The following ZCCHC17 variants were observed in gnomAD, a reference collection of about 807,000 sequenced individuals.
ZCCHC17 encodes the protein zinc finger CCHC domain-containing protein 17.
In ZCCHC17, 18 loss-of-function variants were observed where a neutral mutation model predicts 30.6. The observed-to-expected ratio is 0.59, with a 90% confidence interval of 0.41 to 0.87. The LOEUF (loss-of-function observed/expected upper bound fraction) is 0.87, where lower values mean the gene tolerates loss of function less well. Among genes scored for constraint, ZCCHC17 ranks in the 40% least tolerant of loss-of-function variants. The pLI is 0.00. For synonymous variants in ZCCHC17, 88 were observed against 92.4 expected (o/e 0.95, Z 0.27); for missense variants, 263 against 284.2 (o/e 0.93, Z 0.54).
In ZCCHC17 at chr1:31,364,219, T is replaced by C; in HGVS notation, c.*26T>C. 6.3e-7 allele frequency: 1 copy of C among 1,596,690 alleles called. No individual in the cohort carries two copies. The highest frequency in any genetic ancestry group is 8.5e-7 in the Non-Finnish European group (1 of 1,173,776). On this transcript the variant is annotated 3_prime_UTR_variant, in exon 8 of 8. Coordinates refer to ENST00000344147, the MANE Select transcript of ZCCHC17 (RefSeq NM_016505.4). Reference sequence around the variant, plus strand: ...GAGTATAAAGAGTGTAGGGGGTGGTTGAGAGTAAGAAACCAGGAGCCTTGT... The same window carrying C: ...GAGTATAAAGAGTGTAGGGGGTGGTCGAGAGTAAGAAACCAGGAGCCTTGT...
rs573098163 is a variant in ZCCHC17 at position 31,359,133 on chromosome 1, GTT to G, written c.565-4897_565-4896del. On this transcript the variant is annotated intron_variant, in intron 7 of 7. Coordinates refer to ENST00000344147, the MANE Select transcript of ZCCHC17 (RefSeq NM_016505.4). ...CCACGTGGAGGTTACTGGTAATTTT[GTT>G]TGTTTGTTTTTGTAGAGACAGGGTC... Among the ~76,000 whole-genome samples the G allele has an allele frequency of 3.3e-5, 5 of 152,244 alleles. No homozygotes were observed. In the East Asian group the frequency reaches 9.7e-4, roughly 30 times the overall value.
At chr1:31,342,169 C>T (rs928609447) in intron 5 of ZCCHC17, among the ~76,000 whole-genome samples, 5 of 152,042 alleles carry the variant, frequency 3.3e-5, no homozygotes, top group African/African-American at 7.2e-5. Flanking sequence ...CTCAGCCTCC[C>T]GAGTAGCTGG....
intron 3 of ZCCHC17, among the ~76,000 whole-genome samples, chr1:31,332,121 A>G (rs1249502409): frequency 6.6e-6 from 1 of 152,230 alleles, no homozygotes; most frequent in African/African-American, 2.4e-5. Context: ...GTATAAGGAA[A>G]GTATATCTTG....
At chr1:31,324,379 G>A (rs1638254171) in intron 3 of ZCCHC17, among the ~76,000 whole-genome samples, 1 of 152,220 alleles carries the variant, frequency 6.6e-6, no homozygotes, top group Non-Finnish European at 1.5e-5. Flanking sequence ...GGCCAGGGCT[G>A]CATGTTCTAT....
chr1:31,307,483 C>T (rs1441970431), intron 1 of ZCCHC17, among the ~76,000 whole-genome samples: 1 of 151,310 alleles, frequency 6.6e-6, no homozygotes, highest in Non-Finnish European at 1.5e-5. Context: ...AATCTTGGCC[C>T]ACTGCAGCCT....
At chr1:31,305,003 C>T (rs921077684) in intron 1 of ZCCHC17, among the ~76,000 whole-genome samples, 6 of 152,226 alleles carry the variant, frequency 3.9e-5, no homozygotes, top group Admixed American at 1.3e-4. Flanking sequence ...CAGTAGGCAC[C>T]CTTGCAGTAA....
At chr1:31,349,290 C>A (rs1310729577) in intron 7 of ZCCHC17, among the ~76,000 whole-genome samples, 1 of 152,022 alleles carries the variant, frequency 6.6e-6, no homozygotes, top group East Asian at 1.9e-4. Context: ...TGAAGCAAAC[C>A]AAGATCTTCT....
At chr1:31,305,256 G>A (rs1646422904) in intron 1 of ZCCHC17, among the ~76,000 whole-genome samples, 1 of 151,906 alleles carries the variant, frequency 6.6e-6, no homozygotes, top group Non-Finnish European at 1.5e-5. Context: ...TGGTGACCTA[G>A]ATATTTCAGA....
intron 1 of ZCCHC17, among the ~76,000 whole-genome samples, chr1:31,303,711 A>T (rs1646376139): frequency 6.6e-6 from 1 of 152,108 alleles, no homozygotes; most frequent in Non-Finnish European, 1.5e-5. Flanking sequence ...CATTTTTCTG[A>T]ATTATTTGAG....
In ZCCHC17 at chr1:31,300,174, C is replaced by T. The variant is rs905438852; in HGVS notation, c.-56+3099C>T. ...TCCCAGGCTCCAGTGATCCTCCCAC[C>T]TCAGCCTCTCCAGTAGGTGGGATAA... On this transcript the variant is annotated intron_variant, in intron 1 of 7. Coordinates refer to ENST00000344147, the MANE Select transcript of ZCCHC17 (RefSeq NM_016505.4). Among the ~76,000 whole-genome samples the T allele has an allele frequency of 2.0e-5, 3 of 152,182 alleles. No homozygotes were observed. The East Asian group carries it at 5.8e-4, about 29-fold the overall frequency.
intron 5 of ZCCHC17, among the ~76,000 whole-genome samples, chr1:31,343,528 A>G (rs1419205777): frequency 1.3e-5 from 2 of 152,136 alleles, no homozygotes; most frequent in African/African-American, 2.4e-5. Flanking sequence ...TCTAACTCTT[A>G]TATTCATCCC....
chr1:31,359,363 A>T (rs977497612), intron 7 of ZCCHC17, among the ~76,000 whole-genome samples: 4 of 152,018 alleles, frequency 2.6e-5, no homozygotes, highest in African/African-American at 9.7e-5. Flanking sequence ...TTAAAAAAAA[A>T]TACAAAACTT....
rs79424727 is a variant in ZCCHC17, at chr1:31,322,335, C to T, written c.124+3169C>T. Among the ~76,000 whole-genome samples, 883 of 152,352 alleles carry T rather than the reference C, an allele frequency of 5.8e-3. 71 individuals are homozygous for T. In the East Asian group the frequency reaches 0.14, roughly 25 times the overall value. On this transcript the variant is annotated intron_variant, in intron 3 of 7. Transcript: ENST00000344147. ...CAATATTGAATCCTCAGATTACCTA[C>T]ACTTTTGTCTCACTTGGCTACAATT... is the stretch of plus-strand genomic sequence containing the variant.
At chr1:31,333,905 A>G (rs1638694836) in intron 3 of ZCCHC17, among the ~76,000 whole-genome samples, 1 of 152,232 alleles carries the variant, frequency 6.6e-6, no homozygotes, top group Non-Finnish European at 1.5e-5. Flanking sequence ...TTAGCAATAG[A>G]GGAAAGAGAT....
At chr1:31,297,322 A>G in intron 1 of ZCCHC17, 1 of 396,366 alleles carries the variant, frequency 2.5e-6, no homozygotes, top group Non-Finnish European at 4.4e-6. Flanking sequence ...CATCGTGGCC[A>G]GTCCTGTGCC....
At chr1:31,329,055 T>TTTTGATG (rs1425555685) in intron 3 of ZCCHC17, among the ~76,000 whole-genome samples, 13 of 152,258 alleles carry the variant, frequency 8.5e-5, no homozygotes, top group South Asian at 4.1e-4. Flanking sequence ...TGGTGACTAG[T>TTTTGATG]CCATCCTGAG....
At chr1:31,354,657 G>A (rs1183253758) in intron 7 of ZCCHC17, among the ~76,000 whole-genome samples, 1 of 152,106 alleles carries the variant, frequency 6.6e-6, no homozygotes, top group Non-Finnish European at 1.5e-5. Flanking sequence ...AGTTCTTTTT[G>A]CTGAATATAT....
At chr1:31,359,433 G>GGAGAATTGCCT (rs1639779022) in intron 7 of ZCCHC17, among the ~76,000 whole-genome samples, 1 of 152,082 alleles carries the variant, frequency 6.6e-6, no homozygotes. Flanking sequence ...AGCGATTCAA[G>GGAGAATTGCCT]GAGAATTGCC....
At chr1:31,331,052 A>G (rs1428563011) in intron 3 of ZCCHC17, among the ~76,000 whole-genome samples, 1 of 152,260 alleles carries the variant, frequency 6.6e-6, no homozygotes, top group Non-Finnish European at 1.5e-5. Flanking sequence ...AGATGCAAAC[A>G]AGATAATCTG....
Sources: gnomAD v4.1 joint callset for allele counts (sites outside exome capture counted in the v4.1 genomes callset) on GRCh38, gnomAD v4.1.1 for gene constraint, MANE v1.5 for transcripts, NCBI Gene and HGNC (gene_info 2026-07-23, HGNC 2026-07-21) for gene names.